HPSE2: variants seen among roughly 807,000 people sequenced by gnomAD.
The protein encoded by HPSE2 is heparanase 2 (inactive).
Under a neutral mutation model 60.5 loss-of-function variants are expected in HPSE2, and 38 were observed. The ratio of observed to expected loss-of-function variants is 0.63; its 90% CI spans 0.48 to 0.82. HPSE2 has a LOEUF of 0.82. Among genes scored for constraint, HPSE2 ranks in the 40% least tolerant of loss-of-function variants. The probability of loss-of-function intolerance (pLI) is 0.00; values close to 1 mark genes in which losing one functional copy is unlikely to be tolerated. For missense variants in HPSE2, 713 were observed against 740.4 expected (o/e 0.96, Z 0.43); for synonymous variants, 295 against 293.2 (o/e 1.01, Z -0.06).
chr10:98,837,988 T>A (rs1191149370), intron 3 of HPSE2, among the ~76,000 whole-genome samples: 4 of 152,140 alleles, frequency 2.6e-5, no homozygotes, highest in Non-Finnish European at 5.9e-5. Context: ...TACATGAATA[T>A]TCATTATACT....
chr10:99,101,366 C>A (rs1006642821), intron 3 of HPSE2, among the ~76,000 whole-genome samples: 2 of 152,060 alleles, frequency 1.3e-5, no homozygotes, highest in Non-Finnish European at 2.9e-5. Context: ...AGACTTTAAA[C>A]CAACAAAGAT....
At chr10:99,152,920 G>A (rs530920752) in intron 2 of HPSE2, among the ~76,000 whole-genome samples, 19 of 152,350 alleles carry the variant, frequency 1.2e-4, no homozygotes, top group East Asian at 5.8e-4. Context: ...GAAGCAGGGC[G>A]AGGCATTGCC....
intron 6 of HPSE2, 142 bp from the exon 7 acceptor site, chr10:98,642,082 TG>T: frequency 1.4e-6 from 1 of 713,496 alleles, no homozygotes; most frequent in Non-Finnish European, 2.5e-6. Flanking sequence ...GTTTTGAACC[TG>T]GGTACTTTTC....
chr10:98,586,700 T>C (rs1030327636), intron 9 of HPSE2, among the ~76,000 whole-genome samples: 4 of 152,184 alleles, frequency 2.6e-5, no homozygotes, highest in African/African-American at 9.7e-5. Context: ...AAACTGAAAC[T>C]TCCTCTTAGA....
Position 99,234,305 on chromosome 10 carries a change from G to C in HPSE2, c.290+1208C>G, listed in dbSNP as rs994020484. On this transcript the variant is annotated intron_variant, in intron 1 of 11. Coordinates refer to ENST00000370552, the MANE Select transcript of HPSE2 (RefSeq NM_021828.5). ...CGTGGCGCCTCCCGCTACCTGCCGC[G>C]TCCGCAGACCCGACCCGGGCCAGGG... is the stretch of plus-strand genomic sequence containing the variant. 2.0e-5 allele frequency among the ~76,000 whole-genome samples: 3 copies of C among 152,190 alleles called. No homozygotes were observed. In the East Asian group the frequency reaches 5.8e-4, roughly 29 times the overall value.
chr10:98,600,843 TAC>T (rs1265052079), intron 9 of HPSE2, among the ~76,000 whole-genome samples: 23 of 145,386 alleles, frequency 1.6e-4, no homozygotes, highest in Non-Finnish European at 2.7e-4. Context: ...AAGATATATA[TAC>T]ACACACATAT....
the HPSE2 span, among the ~76,000 whole-genome samples, chr10:99,276,715 C>T: frequency 2.0e-5 from 3 of 152,062 alleles, no homozygotes; most frequent in East Asian, 3.9e-4. Flanking sequence ...TTAAATCAGG[C>T]ACAATGACAC....
chr10:98,515,373 C>T (rs1314271099), intron 9 of HPSE2, among the ~76,000 whole-genome samples: 1 of 152,240 alleles, frequency 6.6e-6, no homozygotes, highest in East Asian at 1.9e-4. Flanking sequence ...ATCATTATAG[C>T]ATTATTTTTA....
the HPSE2 span, among the ~76,000 whole-genome samples, chr10:99,291,930 C>T: frequency 6.6e-6 from 1 of 152,138 alleles, no homozygotes; most frequent in African/African-American, 2.4e-5. Context: ...GAAAGGCCTG[C>T]ACAGGTGTCT....
intron 9 of HPSE2, among the ~76,000 whole-genome samples, chr10:98,523,181 G>C (rs751720116): frequency 2.0e-5 from 3 of 152,194 alleles, no homozygotes; most frequent in Non-Finnish European, 4.4e-5. Context: ...GTGGGTGAGT[G>C]ACAGGAACAC....
At chr10:98,926,974 A>G (rs914803709) in intron 3 of HPSE2, among the ~76,000 whole-genome samples, 6 of 152,088 alleles carry the variant, frequency 3.9e-5, no homozygotes, top group African/African-American at 1.4e-4. Context: ...GGTCTGAGAG[A>G]CAGTTTGTTA....
chr10:99,181,457 A>G (rs1847775638), intron 2 of HPSE2, among the ~76,000 whole-genome samples: 1 of 151,824 alleles, frequency 6.6e-6, no homozygotes, highest in Non-Finnish European at 1.5e-5. Context: ...CACTGTCCAC[A>G]ATAGCAAAGA....
At chr10:98,831,119 A>G (rs1355262844) in intron 3 of HPSE2, among the ~76,000 whole-genome samples, 2 of 152,138 alleles carry the variant, frequency 1.3e-5, no homozygotes, top group African/African-American at 4.8e-5. Context: ...AGGGTGGTAC[A>G]AGAGAGCAGG....
At chr10:98,879,991 G>A (rs754471023) in intron 3 of HPSE2, among the ~76,000 whole-genome samples, 10 of 151,758 alleles carry the variant, frequency 6.6e-5, no homozygotes, top group Admixed American at 3.9e-4. Flanking sequence ...ACTTGCTGAA[G>A]CTGCAGTGCT....
chr10:98,693,041 C>T (rs1026202808), intron 6 of HPSE2, among the ~76,000 whole-genome samples: 2 of 152,142 alleles, frequency 1.3e-5, no homozygotes, highest in Non-Finnish European at 2.9e-5. Flanking sequence ...AGAGGATAGA[C>T]AGAAGGAGTA....
chr10:98,985,425 A>C (rs902352815), intron 3 of HPSE2, among the ~76,000 whole-genome samples: 9 of 152,222 alleles, frequency 5.9e-5, no homozygotes, highest in African/African-American at 2.2e-4. Flanking sequence ...AAAATACTTT[A>C]CAGACAAGCA....
At chr10:98,501,068 A>C (rs544951141) in intron 9 of HPSE2, among the ~76,000 whole-genome samples, 11 of 152,076 alleles carry the variant, frequency 7.2e-5, no homozygotes, top group African/African-American at 2.4e-4. Flanking sequence ...TTACCAACAA[A>C]AAAAAAAGTC....
At chr10:98,852,479 C>A (rs1397010893) in intron 3 of HPSE2, among the ~76,000 whole-genome samples, 1 of 152,126 alleles carries the variant, frequency 6.6e-6, no homozygotes, top group Non-Finnish European at 1.5e-5. Flanking sequence ...TCCCAGGTAG[C>A]CAGGGGTGCA....
chr10:98,794,930 T>C (rs145364420), intron 3 of HPSE2, among the ~76,000 whole-genome samples: 3,131 of 150,972 alleles, frequency 0.021, 46 homozygotes, highest in Middle Eastern at 0.037. Context: ...GCAAGAAGGC[T>C]TTCTTTCCTT....
Sources: gnomAD v4.1 joint callset for allele counts (sites outside exome capture counted in the v4.1 genomes callset) on GRCh38, gnomAD v4.1.1 for gene constraint, MANE v1.5 for transcripts, NCBI Gene and HGNC (gene_info 2026-07-23, HGNC 2026-07-21) for gene names.